The following UGGT2 variants were observed in gnomAD, a reference collection of about 807,000 sequenced individuals.
The protein encoded by UGGT2 is UDP-glucose glycoprotein glucosyltransferase 2.
A neutral mutation model predicts 192.1 loss-of-function variants in UGGT2; 180 were observed. The ratio of observed to expected loss-of-function variants is 0.94; its 90% CI spans 0.83 to 1.06. The LOEUF (loss-of-function observed/expected upper bound fraction) is 1.06. UGGT2 is among the 50% of genes least tolerant of loss of function. UGGT2 has a pLI of 0.00. For missense variants in UGGT2, 1,849 were observed against 1,795.7 expected (o/e 1.03, Z -0.54); for synonymous variants, 580 against 591.0 (o/e 0.98, Z 0.27).
chr13:95,855,108 A>G (rs1889457962), intron 34 of UGGT2, among the ~76,000 whole-genome samples: 1 of 31,288 alleles, frequency 3.2e-5, no homozygotes, highest in Non-Finnish European at 7.0e-5. Context: ...CCTGTCTGTA[A>G]AAAAAAAAAA....
At chr13:95,884,084 A>C (rs72636552) in intron 27 of UGGT2, among the ~76,000 whole-genome samples, 50 of 132,060 alleles carry the variant, frequency 3.8e-4, no homozygotes, top group Admixed American at 6.2e-4. Context: ...AAAAAAAAAA[A>C]AACCAACAAC....
At chr13:95,993,086 C>G (rs2051506229) in intron 7 of UGGT2, among the ~76,000 whole-genome samples, 1 of 152,054 alleles carries the variant, frequency 6.6e-6, no homozygotes, top group South Asian at 2.1e-4. Flanking sequence ...AAATCCTGCC[C>G]TTTGCAGCAA....
chr13:95,806,164 A>T (rs1884298131), intron 38 of UGGT2, among the ~76,000 whole-genome samples: 1 of 152,182 alleles, frequency 6.6e-6, no homozygotes, highest in Non-Finnish European at 1.5e-5. Flanking sequence ...GGAAACTTAT[A>T]GCTGTAAACA....
At position 95,884,403 on chromosome 13, in the gene UGGT2, G is replaced by C. The variant is rs184300995; in HGVS notation, c.3228+88C>G. 1.7e-4 allele frequency: 175 copies of C among 1,043,630 alleles called. 1 individual carries two copies. The East Asian group carries it at 4.2e-3, about 25-fold the overall frequency. 64.6% of individuals were successfully genotyped at this position (1,043,630 alleles called of 1,614,324 possible). On this transcript the variant is annotated intron_variant, in intron 27 of 38. Coordinates refer to ENST00000376747, the MANE Select transcript of UGGT2 (RefSeq NM_020121.4). ...AAGAATATTCTGGTAAACATTCATA[G>C]TATGATTGCTCACTTGCTACAATTG...
chr13:95,898,911 T>C (rs1048907108), intron 22 of UGGT2, among the ~76,000 whole-genome samples: 2 of 152,308 alleles, frequency 1.3e-5, no homozygotes, highest in South Asian at 4.1e-4. Flanking sequence ...GTCTCAGGTA[T>C]TTTGTTACAG....
intron 20 of UGGT2, among the ~76,000 whole-genome samples, chr13:95,922,131 G>C (rs1034170213): frequency 1.3e-5 from 2 of 152,222 alleles, no homozygotes; most frequent in Non-Finnish European, 2.9e-5. Context: ...TTGATTGATA[G>C]AATGAGATCA....
chr13:95,906,519 C>A (rs1594287371), intron 20 of UGGT2, among the ~76,000 whole-genome samples: 1 of 151,746 alleles, frequency 6.6e-6, no homozygotes, highest in South Asian at 2.1e-4. Context: ...TATAGAAGAC[C>A]CAGGAAGACA....
chr13:95,931,065 G>A (rs1189911092), intron 17 of UGGT2, among the ~76,000 whole-genome samples: 1 of 152,168 alleles, frequency 6.6e-6, no homozygotes, highest in African/African-American at 2.4e-5. Context: ...ACATCTTGCT[G>A]ATTGGTCCAT....
At chr13:95,837,006 CT>C in intron 37 of UGGT2, 79 bp downstream of exon 37, 1 of 1,127,766 alleles carries the variant, frequency 8.9e-7, no homozygotes, top group Non-Finnish European at 1.3e-6. Context: ...ATGCCACTCC[CT>C]TTGTAAAACA....
chr13:96,027,133 ATAGT>A (rs2052694346), intron 2 of UGGT2, among the ~76,000 whole-genome samples: 1 of 152,240 alleles, frequency 6.6e-6, no homozygotes, highest in Non-Finnish European at 1.5e-5. Context: ...TAAAATACTT[ATAGT>A]TACAAGGTCA....
At chr13:95,830,167 C>T (rs763015256) in intron 38 of UGGT2, among the ~76,000 whole-genome samples, 11 of 151,986 alleles carry the variant, frequency 7.2e-5, no homozygotes, top group Non-Finnish European at 1.0e-4. Context: ...GACCTAAAAC[C>T]ATAAAAACTG....
intron 37 of UGGT2, among the ~76,000 whole-genome samples, chr13:95,835,421 A>G (rs1887175506): frequency 6.6e-6 from 1 of 152,198 alleles, no homozygotes; most frequent in African/African-American, 2.4e-5. Flanking sequence ...CAGAACCCTA[A>G]CAACATATTA....
chr13:95,805,307 A>G (rs916501871), intron 38 of UGGT2, among the ~76,000 whole-genome samples: 1 of 151,306 alleles, frequency 6.6e-6, no homozygotes, highest in African/African-American at 2.4e-5. Context: ...AGTGTTGGTG[A>G]GGATATGGAG....
intron 34 of UGGT2, 140 bp downstream of exon 34, chr13:95,856,018 A>G (rs1216836343): frequency 3.1e-6 from 2 of 643,732 alleles, no homozygotes; most frequent in Admixed American, 7.8e-5. Flanking sequence ...TTTTAAAGAT[A>G]CTTTGCTTAT....
At chr13:95,916,905 A>G (rs1426313932) in intron 20 of UGGT2, among the ~76,000 whole-genome samples, 2 of 152,156 alleles carry the variant, frequency 1.3e-5, no homozygotes, top group African/African-American at 4.8e-5. Context: ...GGATTATGTA[A>G]AAGGAGCTGT....
At chr13:95,998,048 AG>A (rs35077991) in intron 6 of UGGT2, among the ~76,000 whole-genome samples, 1 of 152,142 alleles carries the variant, frequency 6.6e-6, no homozygotes, top group Non-Finnish European at 1.5e-5. Flanking sequence ...ATCTGTTTTG[AG>A]GGGTGGTGAG....
At position 95,847,061 on chromosome 13, in the gene UGGT2, C is replaced by CCT. The variant is rs1888542500; in HGVS notation, c.4284+6481_4284+6482insAG. Among the ~76,000 whole-genome samples, 13 of 97,374 alleles carry CCT rather than the reference C, an allele frequency of 1.3e-4. No individual in the cohort carries two copies. In the South Asian group the frequency reaches 4.2e-3, roughly 31 times the overall value. 63.9% of individuals were successfully genotyped at this position (97,374 alleles called of 152,430 possible). The stretch of plus-strand genomic sequence containing the variant: ...ATGCATCTTTCTTTTCTTTTCTTTT[C>CCT]TTTTTTTTTTTTATTTTACTGATTG... On this transcript the variant is annotated intron_variant, in intron 36 of 38. Transcript: ENST00000376747.
chr13:96,050,160 C>T (rs1054186976), intron 1 of UGGT2, among the ~76,000 whole-genome samples: 1 of 152,120 alleles, frequency 6.6e-6, no homozygotes, highest in Non-Finnish European at 1.5e-5. Context: ...GAGCAGAGCC[C>T]TCAGAAATAA....
intron 10 of UGGT2, among the ~76,000 whole-genome samples, chr13:95,975,144 A>C (rs1413361402): frequency 1.3e-5 from 2 of 152,186 alleles, no homozygotes; most frequent in Non-Finnish European, 2.9e-5. Flanking sequence ...TATTCACCTA[A>C]GGACAGAGAG....
Sources: allele counts gnomAD v4.1 joint callset (sites outside exome capture counted in the v4.1 genomes callset), GRCh38; gene constraint gnomAD v4.1.1; transcripts MANE v1.5; gene names NCBI Gene and HGNC (gene_info 2026-07-23, HGNC 2026-07-21).